Variants in IFT122 observed in about 807,000 individuals in gnomAD.
The protein encoded by IFT122 is intraflagellar transport 122, also known as intraflagellar transport protein 122 homolog.
In IFT122, 118 loss-of-function variants were observed where a neutral mutation model predicts 161.6. The observed-to-expected ratio is 0.73, with a 90% CI of 0.63 to 0.85. The LOEUF is 0.85. IFT122 is among the 40% of genes least tolerant of loss of function. The probability of loss-of-function intolerance (pLI) is 0.00; values close to 1 mark genes in which losing one functional copy is unlikely to be tolerated. For missense variants in IFT122, 1,381 were observed against 1,579.6 expected (o/e 0.87, Z 2.13); for synonymous variants, 550 against 602.4 (o/e 0.91, Z 1.27).
chr3:129,477,960 C>T, intron 11 of IFT122, 56 bp from the exon 12 acceptor site: 1 of 1,434,858 alleles, frequency 7.0e-7, no homozygotes, highest in East Asian at 2.3e-5. Flanking sequence ...AATTTCTCTG[C>T]CTTGCACCTT....
intron 14 of IFT122, 73 bp downstream of exon 14, chr3:129,481,767 A>G (rs777888629): frequency 1.8e-5 from 28 of 1,531,670 alleles, no homozygotes; most frequent in African/African-American, 2.7e-5. Context: ...CAGTCCCTGC[A>G]GGAGGCTCTC....
intron 16 of IFT122, 70 bp from the exon 17 acceptor site, chr3:129,492,071 A>T: frequency 8.6e-7 from 1 of 1,162,288 alleles, no homozygotes; most frequent in Admixed American, 1.7e-5. Flanking sequence ...TTGACTTCCC[A>T]CCCCTAGCCA....
chr3:129,465,711 C>T lies in IFT122; in HGVS notation c.563+930C>T, dbSNP rs1291356843. On this transcript the variant is annotated intron_variant, in intron 7 of 29. Coordinates refer to ENST00000348417, the MANE Select transcript of IFT122 (RefSeq NM_052989.3). ...ACTGCGGACTGCAGTGGCGCAATCT[C>T]GGCTCACTGCAAGCTCCGCTTCCCG... Among the ~76,000 whole-genome samples the T allele has an allele frequency of 2.4e-4, 30 of 127,134 alleles. 1 individual carries two copies. The highest frequency in any genetic ancestry group is 3.8e-4 in the Non-Finnish European group (25 of 65,050). The allele number at this position is 127,134 out of a possible 152,430, so 83.4% of individuals were successfully genotyped here.
At chr3:129,477,001 A>G (rs573703099) in intron 11 of IFT122, among the ~76,000 whole-genome samples, 200 bp downstream of exon 11, 72 of 147,204 alleles carry the variant, frequency 4.9e-4, no homozygotes, top group African/African-American at 1.7e-3. Context: ...TGAGGATCTC[A>G]TGAAAGCAAT....
chr3:129,456,327 C>G, intron 3 of IFT122: 1 of 1,150,858 alleles, frequency 8.7e-7, no homozygotes, highest in South Asian at 1.6e-5. Context: ...ACCCTAATAT[C>G]TACTATTTCA....
intron 3 of IFT122, among the ~76,000 whole-genome samples, chr3:129,455,446 C>G (rs1477066866): frequency 1.3e-5 from 2 of 152,166 alleles, no homozygotes; most frequent in Admixed American, 6.5e-5. Context: ...GCTGGGATTA[C>G]AGGCGTGAAC....
chr3:129,466,250 G>A (rs2076760270), intron 7 of IFT122, among the ~76,000 whole-genome samples: 1 of 152,130 alleles, frequency 6.6e-6, no homozygotes, highest in South Asian at 2.1e-4. Flanking sequence ...TTAGAAGGTT[G>A]TTTGGAAGGT....
chr3:129,470,403 A>G (rs554460537), intron 9 of IFT122, among the ~76,000 whole-genome samples: 51 of 152,000 alleles, frequency 3.4e-4, no homozygotes, highest in Admixed American at 2.4e-3. Context: ...AGCTGGGACT[A>G]CAGGCGCCCA....
At chr3:129,471,587 T>C (rs770572165) in intron 9 of IFT122, among the ~76,000 whole-genome samples, 5 of 152,322 alleles carry the variant, frequency 3.3e-5, no homozygotes, top group Non-Finnish European at 7.3e-5. Flanking sequence ...ACAGGAAATA[T>C]CTTGCATGTA....
At chr3:129,505,296 G>C (rs1189227186) in intron 21 of IFT122, among the ~76,000 whole-genome samples, 1 of 152,160 alleles carries the variant, frequency 6.6e-6, no homozygotes, top group Non-Finnish European at 1.5e-5. Context: ...ATGGAAGTTG[G>C]GTGTTTGATG....
In IFT122 at chr3:129,486,049, G is replaced by A. The variant is rs1249399340; in HGVS notation, c.1852-2208G>A. On this transcript the variant is annotated intron_variant, in intron 15 of 29. Coordinates refer to ENST00000348417, the MANE Select transcript of IFT122 (RefSeq NM_052989.3). ...GAGCCCTAGGAGGGCTTCTCAAGGC[G>A]GTGGTGACTTCATGTTTGAAATCCA... 2.6e-5 allele frequency among the ~76,000 whole-genome samples: 4 copies of A among 152,246 alleles called. No homozygotes were observed. The South Asian group carries it at 6.2e-4, about 24-fold the overall frequency.
intron 1 of IFT122, among the ~76,000 whole-genome samples, chr3:129,449,300 G>T (rs978552671): frequency 6.6e-6 from 1 of 152,166 alleles, no homozygotes; most frequent in Non-Finnish European, 1.5e-5. Context: ...AAAAAATGCT[G>T]CCAGTTACAC....
At chr3:129,471,798 T>G (rs1210056163) in intron 9 of IFT122, among the ~76,000 whole-genome samples, 2 of 152,196 alleles carry the variant, frequency 1.3e-5, no homozygotes, top group Non-Finnish European at 2.9e-5. Context: ...TAGTCTGAGG[T>G]ATAATTTGTG....
intron 4 of IFT122, among the ~76,000 whole-genome samples, chr3:129,460,450 AT>A (rs1022308908): frequency 1.3e-5 from 2 of 150,778 alleles, no homozygotes; most frequent in Admixed American, 6.6e-5. Context: ...CTTTATTATT[AT>A]TTTTTTTTAT....
rs1577443638 is a variant in IFT122, at chr3:129,466,894, T to C, written c.568T>C (p.Trp190Arg). The C allele has an allele frequency of 1.2e-6, 2 of 1,613,922 alleles. No individual in the cohort carries two copies. The highest frequency in any genetic ancestry group is 8.5e-7 in the Non-Finnish European group (1 of 1,179,752). ...ACAACTACTTACTGTCTACAGCCGA[T>C]GGGAGAGTTTCTGGATGAACAGAGA... The part of the protein sequence containing the change: ...WSICWNPSSR[W>R]ESFWMNRENE... Residue 190 changes from tryptophan to arginine, a missense_variant, in exon 8 of 30, where the codon TGG (tryptophan) becomes CGG (arginine). Coordinates refer to ENST00000348417, the MANE Select transcript of IFT122 (RefSeq NM_052989.3).
intron 1 of IFT122, among the ~76,000 whole-genome samples, chr3:129,441,605 A>AT (rs1372475756): frequency 1.3e-5 from 2 of 152,156 alleles, no homozygotes; most frequent in Middle Eastern, 3.2e-3. Flanking sequence ...CAGCCACTAC[A>AT]TTAATTTTTC....
At chr3:129,452,966 A>C (rs73865444) in intron 3 of IFT122, among the ~76,000 whole-genome samples, 4,766 of 152,122 alleles carry the variant, frequency 0.031, 255 homozygotes, top group African/African-American at 0.11. Flanking sequence ...ATGGGCTATG[A>C]AGAAAAAGGA....
chr3:129,480,025 G>C, intron 13 of IFT122, 103 bp downstream of exon 13: 1 of 1,412,462 alleles, frequency 7.1e-7, no homozygotes. Flanking sequence ...GCAGGAAAAG[G>C]GCTTCTCTCC....
At chr3:129,443,373 C>T (rs1032678721) in intron 1 of IFT122, among the ~76,000 whole-genome samples, 1 of 152,170 alleles carries the variant, frequency 6.6e-6, no homozygotes, top group Non-Finnish European at 1.5e-5. Flanking sequence ...GACAGTGTAT[C>T]TCTTTTATAA....
Sources: allele counts gnomAD v4.1 joint callset (sites outside exome capture counted in the v4.1 genomes callset), GRCh38; gene constraint gnomAD v4.1.1; transcripts MANE v1.5; gene names NCBI Gene and HGNC (gene_info 2026-07-23, HGNC 2026-07-21).